The following INPP5F variants were observed in gnomAD, a reference collection of about 807,000 sequenced individuals.
INPP5F encodes the protein phosphatidylinositide 4-phosphatase SAC2.
In INPP5F, 97 loss-of-function variants were observed where a neutral mutation model predicts 137.2. The observed-to-expected ratio is 0.71, with a 90% CI of 0.60 to 0.84. The LOEUF (loss-of-function observed/expected upper bound fraction) is 0.84, where lower values mean the gene tolerates loss of function less well. Among genes scored for constraint, INPP5F ranks in the 40% least tolerant of loss-of-function variants. The probability of loss-of-function intolerance (pLI) is 0.00; values close to 1 mark genes in which losing one functional copy is unlikely to be tolerated. For missense variants in INPP5F, 1,271 were observed against 1,371.9 expected, an observed-to-expected ratio of 0.93 and a Z score of 1.16; for synonymous variants, 504 against 476.9, an observed-to-expected ratio of 1.06 and a Z score of -0.74.
intron 2 of INPP5F, among the ~76,000 whole-genome samples, chr10:119,769,783 T>A (rs1022051294): frequency 6.6e-6 from 1 of 152,130 alleles, no homozygotes; most frequent in East Asian, 1.9e-4. Context: ...GGACTGGGAC[T>A]TTTACCATTG....
intron 2 of INPP5F, among the ~76,000 whole-genome samples, chr10:119,772,628 A>G (rs911765777): frequency 1.3e-5 from 2 of 152,110 alleles, no homozygotes; most frequent in East Asian, 3.8e-4. Context: ...AGAATCTGCT[A>G]TATTTTGTTT....
At position 119,792,276 on chromosome 10, in the gene INPP5F, T is replaced by C. The variant is rs1019866947; in HGVS notation, c.669+63T>C. ...AATTGGTCTGTTTGTTTCTAAAACGTCTGGTTATAATTGTTAAGCAAATGT... is the reference window on the plus strand; with the variant it reads ...AATTGGTCTGTTTGTTTCTAAAACGCCTGGTTATAATTGTTAAGCAAATGT... On this transcript the variant is annotated intron_variant, in intron 6 of 19. Coordinates refer to ENST00000650623, the MANE Select transcript of INPP5F (RefSeq NM_014937.4). The C allele has an allele frequency of 1.3e-5, 15 of 1,182,614 alleles. No homozygotes were observed. In the East Asian group the frequency reaches 3.0e-4, roughly 24 times the overall value. The allele number at this position is 1,182,614 out of a possible 1,614,324, so 73.3% of individuals were successfully genotyped here.
intron 15 of INPP5F, among the ~76,000 whole-genome samples, chr10:119,817,488 A>G (rs922726213): frequency 1.3e-5 from 2 of 152,190 alleles, no homozygotes; most frequent in African/African-American, 2.4e-5. Flanking sequence ...AATATCTCCA[A>G]TCTTTGCCAA....
chr10:119,744,461 T>A (rs894771201), intron 1 of INPP5F, among the ~76,000 whole-genome samples: 1 of 150,452 alleles, frequency 6.6e-6, no homozygotes, highest in African/African-American at 2.4e-5. Flanking sequence ...AAAAATAGTA[T>A]CTTCTTTCCT....
At chr10:119,785,457 T>A (rs1437334805) in intron 3 of INPP5F, among the ~76,000 whole-genome samples, 1 of 151,272 alleles carries the variant, frequency 6.6e-6, no homozygotes, top group East Asian at 1.9e-4. Flanking sequence ...GACTCATTTT[T>A]TGTATTTTTA....
intron 15 of INPP5F, chr10:119,818,721 C>G (rs935697112): frequency 2.0e-5 from 3 of 151,582 alleles, no homozygotes; most frequent in Non-Finnish European, 2.9e-5. Context: ...TTGCCGCATT[C>G]GCCGCATTCG....
intron 1 of INPP5F, among the ~76,000 whole-genome samples, chr10:119,735,668 A>G (rs897002320): frequency 9.2e-5 from 14 of 152,140 alleles, no homozygotes; most frequent in Admixed American, 6.5e-5. Context: ...AGTTGAGCAG[A>G]GTAACAGTCT....
At chr10:119,767,334 T>C (rs1463649125) in intron 2 of INPP5F, among the ~76,000 whole-genome samples, 2 of 152,110 alleles carry the variant, frequency 1.3e-5, no homozygotes, top group Non-Finnish European at 2.9e-5. Flanking sequence ...GTATTCTAAG[T>C]CCTTTCACTG....
intron 2 of INPP5F, among the ~76,000 whole-genome samples, chr10:119,772,664 A>G (rs112982468): frequency 2.1e-3 from 325 of 152,298 alleles, no homozygotes; most frequent in African/African-American, 7.3e-3. Context: ...CAATTAGCTC[A>G]TCTACAATTA....
At chr10:119,758,923 A>G (rs573481180) in intron 2 of INPP5F, among the ~76,000 whole-genome samples, 12 of 152,334 alleles carry the variant, frequency 7.9e-5, no homozygotes, top group African/African-American at 2.2e-4. Flanking sequence ...AGACTTTGCT[A>G]TGGCACTAGT....
chr10:119,761,554 G>C (rs528989285), intron 2 of INPP5F, among the ~76,000 whole-genome samples: 2 of 151,574 alleles, frequency 1.3e-5, no homozygotes, highest in Admixed American at 1.3e-4. Context: ...CTTCCATTAG[G>C]GGGGACAAAA....
At chr10:119,822,982 G>A in intron 17 of INPP5F, 89 bp from the exon 18 acceptor site, 2 of 1,295,988 alleles carry the variant, frequency 1.5e-6, no homozygotes, top group Admixed American at 4.6e-5. Flanking sequence ...TTTATATTAT[G>A]AAGAAAAATG....
At chr10:119,767,115 A>AAAAAAC (rs1437811787) in intron 2 of INPP5F, among the ~76,000 whole-genome samples, 1 of 149,046 alleles carries the variant, frequency 6.7e-6, no homozygotes, top group African/African-American at 2.4e-5. Context: ...CAGAAAAAAA[A>AAAAAAC]AAAAAAAAAA....
At chr10:119,810,269 A>C in intron 14 of INPP5F, 52 bp downstream of exon 14, 1 of 938,914 alleles carries the variant, frequency 1.1e-6, no homozygotes, top group South Asian at 1.4e-5. Context: ...TTCTGTGACT[A>C]ATATTTTACA....
chr10:119,731,929 T>C (rs1174798512), intron 1 of INPP5F, among the ~76,000 whole-genome samples: 3 of 152,200 alleles, frequency 2.0e-5, no homozygotes, highest in African/African-American at 7.2e-5. Flanking sequence ...TTTATGCATG[T>C]ACATATTTGT....
intron 2 of INPP5F, among the ~76,000 whole-genome samples, chr10:119,778,315 C>G (rs545767963): frequency 6.6e-6 from 1 of 151,968 alleles, no homozygotes; most frequent in African/African-American, 2.4e-5. Context: ...GCCTATATAT[C>G]CTTTAAAAAA....
At chr10:119,759,536 A>C (rs1848948052) in intron 2 of INPP5F, among the ~76,000 whole-genome samples, 1 of 151,798 alleles carries the variant, frequency 6.6e-6, no homozygotes, top group Admixed American at 6.6e-5. Flanking sequence ...TTTTATTTTT[A>C]GTAGAGACAG....
chr10:119,755,214 G>T (rs1348246693), intron 2 of INPP5F, among the ~76,000 whole-genome samples: 1 of 152,192 alleles, frequency 6.6e-6, no homozygotes, highest in Non-Finnish European at 1.5e-5. Flanking sequence ...GCCACCAGCT[G>T]GGTGGCTTAA....
chr10:119,776,600 C>T (rs73355834), intron 2 of INPP5F, among the ~76,000 whole-genome samples: 6,332 of 151,612 alleles, frequency 0.042, 483 homozygotes, highest in African/African-American at 0.14. Flanking sequence ...TTTGTAATGT[C>T]GATATGAAAT....
Sources: gnomAD v4.1 joint callset for allele counts (sites outside exome capture counted in the v4.1 genomes callset) on GRCh38, gnomAD v4.1.1 for gene constraint, MANE v1.5 for transcripts, NCBI Gene and HGNC (gene_info 2026-07-23, HGNC 2026-07-21) for gene names.